Variants in TMEM132D observed in about 807,000 individuals in gnomAD.
TMEM132D encodes transmembrane protein 132D.
A neutral mutation model predicts 62.3 loss-of-function variants in TMEM132D; 21 were observed. That is an observed-to-expected ratio of 0.34 (90% CI 0.24 to 0.49). The LOEUF is 0.49. Ranked by LOEUF, TMEM132D falls within the 20% of genes least tolerant of loss-of-function variation. TMEM132D has a pLI of 0.99. For missense variants in TMEM132D, 1,346 were observed against 1,402.8 expected (o/e 0.96, Z 0.65); for synonymous variants, 621 against 575.6 (o/e 1.08, Z -1.13).
chr12:129,713,330 A>AGGTG (rs1868448332), intron 1 of TMEM132D, among the ~76,000 whole-genome samples: 1 of 152,194 alleles, frequency 6.6e-6, no homozygotes, highest in African/African-American at 2.4e-5. Flanking sequence ...CAAATATATA[A>AGGTG]AAATCCATTT....
chr12:129,654,677 C>A (rs895596426), intron 2 of TMEM132D, among the ~76,000 whole-genome samples: 1 of 152,132 alleles, frequency 6.6e-6, no homozygotes, highest in African/African-American at 2.4e-5. Context: ...TCATTTGGAC[C>A]CTCGGCTTGC....
At chr12:129,318,985 A>G (rs1396417994) in intron 4 of TMEM132D, among the ~76,000 whole-genome samples, 2 of 152,112 alleles carry the variant, frequency 1.3e-5, no homozygotes, top group African/African-American at 4.8e-5. Flanking sequence ...CCTCCGCAAC[A>G]GTCTGTCTCC....
chr12:129,083,323 T>A (rs1348882649), intron 6 of TMEM132D, among the ~76,000 whole-genome samples: 2 of 152,164 alleles, frequency 1.3e-5, no homozygotes, highest in Non-Finnish European at 2.9e-5. Flanking sequence ...TCGGTCTCCA[T>A]CAGAACAGCA....
intron 1 of TMEM132D, among the ~76,000 whole-genome samples, chr12:129,794,155 C>G (rs571700253): frequency 6.6e-6 from 1 of 151,202 alleles, no homozygotes; most frequent in South Asian, 2.1e-4. Context: ...GTGGTGCAAC[C>G]TCGGCTCACA....
intron 5 of TMEM132D, among the ~76,000 whole-genome samples, chr12:129,118,772 T>C (rs1336606922): frequency 6.6e-6 from 1 of 152,186 alleles, no homozygotes; most frequent in Non-Finnish European, 1.5e-5. Context: ...TAACAGAGTG[T>C]GTTGCCTTTG....
chr12:129,226,052 A>G (rs569164227), intron 4 of TMEM132D, among the ~76,000 whole-genome samples: 9 of 152,192 alleles, frequency 5.9e-5, no homozygotes, highest in Non-Finnish European at 1.2e-4. Context: ...TAGAAGCTGT[A>G]TTTTATGAGT....
At chr12:129,291,994 G>A (rs1159709338) in intron 4 of TMEM132D, among the ~76,000 whole-genome samples, 1 of 152,086 alleles carries the variant, frequency 6.6e-6, no homozygotes, top group Non-Finnish European at 1.5e-5. Flanking sequence ...GGGGCAGGAA[G>A]CCTTTTCATA....
At chr12:129,307,307 G>A (rs979445137) in intron 4 of TMEM132D, among the ~76,000 whole-genome samples, 21 of 152,030 alleles carry the variant, frequency 1.4e-4, no homozygotes, top group African/African-American at 2.4e-5. Context: ...AACGGAAAGT[G>A]GGAAATCAGT....
intron 4 of TMEM132D, among the ~76,000 whole-genome samples, chr12:129,274,169 T>C (rs1253675904): frequency 6.6e-6 from 1 of 151,844 alleles, no homozygotes; most frequent in East Asian, 1.9e-4. Flanking sequence ...TAAAAGGAAC[T>C]GGGAGAGTCT....
intron 1 of TMEM132D, among the ~76,000 whole-genome samples, chr12:129,893,200 G>A (rs55809600): frequency 0.13 from 20,065 of 152,010 alleles, 1,839 homozygotes; most frequent in East Asian, 0.51. Context: ...GTTGACTTGG[G>A]CTAGTTATTT....
chr12:129,519,666 T>C (rs1170393673), intron 3 of TMEM132D, among the ~76,000 whole-genome samples: 2 of 151,266 alleles, frequency 1.3e-5, no homozygotes, highest in Non-Finnish European at 2.9e-5. Context: ...TGGAGTCCAG[T>C]GGTGCAATCT....
At chr12:129,579,415 C>T (rs955319007) in intron 2 of TMEM132D, among the ~76,000 whole-genome samples, 2 of 152,082 alleles carry the variant, frequency 1.3e-5, no homozygotes, top group Admixed American at 1.3e-4. Context: ...AGGTGAAGTC[C>T]CATGATAGAC....
intron 1 of TMEM132D, among the ~76,000 whole-genome samples, chr12:129,723,366 C>T (rs1377596115): frequency 2.6e-5 from 4 of 152,150 alleles, no homozygotes; most frequent in East Asian, 1.9e-4. Context: ...TCCATGCAGT[C>T]GCTCTCTCTG....
chr12:129,829,624 T>A (rs139510679), intron 1 of TMEM132D, among the ~76,000 whole-genome samples: 45 of 152,252 alleles, frequency 3.0e-4, no homozygotes, highest in African/African-American at 1.1e-3. Flanking sequence ...CTTAGCCCCG[T>A]GTTTTCCCTT....
rs780389272 is a variant in TMEM132D, at chr12:129,728,544, C to T, written c.80-27846G>A. 1.7e-3 allele frequency among the ~76,000 whole-genome samples: 266 copies of T among 152,292 alleles called. 2 individuals are homozygous for T. The highest frequency in any genetic ancestry group is 7.7e-4 in the East Asian group (4 of 5,178). ...GGAATATGAACAAAAAAGCAGCCTG[C>T]AGGGCGTGAGTCTCATTTAGAATTT... is the stretch of plus-strand genomic sequence containing the variant. On this transcript the variant is annotated intron_variant, in intron 1 of 8. Coordinates refer to ENST00000422113, the MANE Select transcript of TMEM132D (RefSeq NM_133448.3).
chr12:129,202,578 A>C (rs752763363), intron 5 of TMEM132D, among the ~76,000 whole-genome samples: 1 of 152,178 alleles, frequency 6.6e-6, no homozygotes, highest in East Asian at 1.9e-4. Flanking sequence ...GTTCCTGCCC[A>C]AGTCTGAAGC....
chr12:129,553,305 G>A (rs1269064738), intron 2 of TMEM132D, among the ~76,000 whole-genome samples: 1 of 152,150 alleles, frequency 6.6e-6, no homozygotes, highest in African/African-American at 2.4e-5. Context: ...TTGCACCTGT[G>A]CTGCTGCTGT....
chr12:129,321,724 A>C (rs947735480), intron 4 of TMEM132D, among the ~76,000 whole-genome samples: 1 of 151,132 alleles, frequency 6.6e-6, no homozygotes, highest in African/African-American at 2.5e-5. Context: ...ACGCCCAGCT[A>C]ATTTTTTTGT....
intron 4 of TMEM132D, among the ~76,000 whole-genome samples, chr12:129,286,301 A>G (rs535893347): frequency 1.3e-5 from 2 of 152,210 alleles, no homozygotes; most frequent in Non-Finnish European, 2.9e-5. Flanking sequence ...GTTTAATAAA[A>G]TTCAGAAAAC....
Sources: gnomAD v4.1 joint callset for allele counts (sites outside exome capture counted in the v4.1 genomes callset) on GRCh38, gnomAD v4.1.1 for gene constraint, MANE v1.5 for transcripts, NCBI Gene and HGNC (gene_info 2026-07-23, HGNC 2026-07-21) for gene names.